SAMD5: variants seen among roughly 807,000 people sequenced by gnomAD.
SAMD5 encodes sterile alpha motif domain containing 5.
SAMD5 carries 13 observed loss-of-function variants against 11.3 expected under a neutral mutation model. The ratio of observed to expected loss-of-function variants is 1.15; its 90% CI spans 0.75 to 1.83. SAMD5 has a LOEUF of 1.83. SAMD5 is among the 40% of genes most tolerant of loss of function. The pLI, the probability that SAMD5 is intolerant of heterozygous loss-of-function variation, is 0.00. For missense variants in SAMD5, 255 were observed against 239.1 expected, an observed-to-expected ratio of 1.07 and a Z score of -0.44; for synonymous variants, 129 against 111.3, an observed-to-expected ratio of 1.16 and a Z score of -1.00.
chr6:147,591,103 A>G (rs1391853939), intron 1 of SAMD5, among the ~76,000 whole-genome samples: 1 of 151,972 alleles, frequency 6.6e-6, no homozygotes, highest in Non-Finnish European at 1.5e-5. Flanking sequence ...CTTATCTAAG[A>G]CAGACTTTTA....
the SAMD5 span, among the ~76,000 whole-genome samples, chr6:147,924,777 TATAAATAAATAAATAAATAAATAA>T: frequency 6.8e-6 from 1 of 147,116 alleles, no homozygotes; most frequent in Non-Finnish European, 1.5e-5. Flanking sequence ...TTAATTTTGT[TATAAATAAATAAATAAATAAATAA>T]ATAAATAAAT....
At chr6:147,788,079 G>C in the SAMD5 span, among the ~76,000 whole-genome samples, 1 of 152,310 alleles carries the variant, frequency 6.6e-6, no homozygotes, top group Non-Finnish European at 1.5e-5. Context: ...CTTGCTATTT[G>C]ATTAAGGAAT....
the SAMD5 span, among the ~76,000 whole-genome samples, chr6:147,786,361 A>T: frequency 6.6e-6 from 1 of 152,148 alleles, no homozygotes; most frequent in East Asian, 1.9e-4. Context: ...TTTTATAGTG[A>T]CGTTATTTCC....
the SAMD5 span, among the ~76,000 whole-genome samples, chr6:147,922,246 C>T: frequency 3.3e-5 from 5 of 152,236 alleles, no homozygotes; most frequent in South Asian, 2.1e-4. Flanking sequence ...CTCTCCATGC[C>T]GTGAGCAAAC....
the SAMD5 span, among the ~76,000 whole-genome samples, chr6:147,791,671 A>G: frequency 2.0e-5 from 3 of 152,176 alleles, no homozygotes; most frequent in Non-Finnish European, 1.5e-5. Context: ...AATCCCCCTT[A>G]AAAGTGTAAA....
intron 1 of SAMD5, among the ~76,000 whole-genome samples, chr6:147,519,718 G>A (rs547793770): frequency 6.6e-6 from 1 of 152,296 alleles, no homozygotes; most frequent in Admixed American, 6.5e-5. Flanking sequence ...AAGTATGTGG[G>A]TTGGGGGCCT....
At chr6:147,905,095 T>C in the SAMD5 span, among the ~76,000 whole-genome samples, 2 of 152,032 alleles carry the variant, frequency 1.3e-5, no homozygotes, top group Non-Finnish European at 2.9e-5. Flanking sequence ...TCCACATTGG[T>C]CAGGCTGGTC....
At chr6:147,637,771 C>A (rs1330370167) in intron 1 of SAMD5, among the ~76,000 whole-genome samples, 1 of 152,040 alleles carries the variant, frequency 6.6e-6, no homozygotes, top group Non-Finnish European at 1.5e-5. Flanking sequence ...TTGTGCACAG[C>A]AGCTGTTTCA....
At chr6:147,824,628 C>T in the SAMD5 span, among the ~76,000 whole-genome samples, 5 of 152,190 alleles carry the variant, frequency 3.3e-5, no homozygotes, top group South Asian at 1.0e-3. Flanking sequence ...GTTTGGGAAT[C>T]AATACTAATT....
the SAMD5 span, among the ~76,000 whole-genome samples, chr6:147,823,386 T>C: frequency 2.0e-5 from 3 of 152,272 alleles, no homozygotes; most frequent in Middle Eastern, 3.4e-3. Context: ...TTAAGAACTA[T>C]TGGAATTGCT....
At chr6:147,870,474 G>A in the SAMD5 span, among the ~76,000 whole-genome samples, 662 of 137,440 alleles carry the variant, frequency 4.8e-3, 4 homozygotes, top group Middle Eastern at 0.022. Context: ...GTGTGTGTGT[G>A]TGTGTGTGTA....
chr6:147,533,600 C>T (rs1382242421), intron 1 of SAMD5, among the ~76,000 whole-genome samples: 1 of 151,952 alleles, frequency 6.6e-6, no homozygotes, highest in East Asian at 1.9e-4. Context: ...GGAGTCCAGC[C>T]GAATGAGGAG....
chr6:147,610,235 A>G (rs1278413317), intron 1 of SAMD5, among the ~76,000 whole-genome samples: 1 of 152,212 alleles, frequency 6.6e-6, no homozygotes, highest in Non-Finnish European at 1.5e-5. Context: ...AAGGAAATGG[A>G]TCATTTACCT....
chr6:147,630,744 ACATGAAATTTGATGCCAAAACC>A (rs1790137117), intron 1 of SAMD5, among the ~76,000 whole-genome samples: 1 of 151,584 alleles, frequency 6.6e-6, no homozygotes, highest in African/African-American at 2.4e-5. Flanking sequence ...ACACAGAAGC[ACATGAAATTTGATGCCAAAACC>A]CATGAAATTT....
At chr6:147,872,185 A>G in the SAMD5 span, among the ~76,000 whole-genome samples, 1 of 152,114 alleles carries the variant, frequency 6.6e-6, no homozygotes, top group Non-Finnish European at 1.5e-5. Context: ...AGCTCACTGT[A>G]ACCTTGAATT....
At chr6:147,931,664 C>A in the SAMD5 span, among the ~76,000 whole-genome samples, 1 of 152,186 alleles carries the variant, frequency 6.6e-6, no homozygotes, top group African/African-American at 2.4e-5. Context: ...ATTTAACTTA[C>A]AGAATTTCAT....
chr6:147,910,131 T>A, the SAMD5 span, among the ~76,000 whole-genome samples: 1 of 151,956 alleles, frequency 6.6e-6, no homozygotes, highest in African/African-American at 2.4e-5. Flanking sequence ...ATCAGTAGGG[T>A]TTTTTTAATG....
chr6:147,739,037 A>C (rs536306814), downstream of SAMD5, among the ~76,000 whole-genome samples: 1 of 152,296 alleles, frequency 6.6e-6, no homozygotes, highest in African/African-American at 2.4e-5. Flanking sequence ...TGGTGGTTTC[A>C]TCAGTGGTTT....
At chr6:147,681,435 C>T (rs765612385) in intron 1 of SAMD5, among the ~76,000 whole-genome samples, 6 of 151,766 alleles carry the variant, frequency 4.0e-5, no homozygotes, top group Non-Finnish European at 7.4e-5. Context: ...ACAGTTGTTC[C>T]CTGTTTTCTT....
Sources: gnomAD v4.1 joint callset for allele counts (sites outside exome capture counted in the v4.1 genomes callset) on GRCh38, gnomAD v4.1.1 for gene constraint, MANE v1.5 for transcripts, NCBI Gene and HGNC (gene_info 2026-07-23, HGNC 2026-07-21) for gene names.